Variants in MTUS1 observed in about 807,000 individuals in gnomAD.
The protein encoded by MTUS1 is microtubule associated scaffold protein 1.
Under a neutral mutation model 120.8 loss-of-function variants are expected in MTUS1, and 109 were observed. The ratio of observed to expected loss-of-function variants is 0.90; its 90% confidence interval spans 0.77 to 1.06. The LOEUF is 1.06. Ranked by LOEUF, MTUS1 falls within the 50% of genes least tolerant of loss-of-function variation. MTUS1 has a pLI of 0.00. For synonymous variants in MTUS1, 737 were observed against 550.5 expected (o/e 1.34, Z -4.74); for missense variants, 2,210 against 1,486.3 (o/e 1.49, Z -8.01).
intron 8 of MTUS1, among the ~76,000 whole-genome samples, chr8:17,671,642 G>A (rs887594245): frequency 2.0e-5 from 3 of 152,200 alleles, no homozygotes; most frequent in South Asian, 2.1e-4. Context: ...TGTTAGATGC[G>A]GAAGGTGGAA....
At chr8:17,744,496 G>T (rs118155059) in intron 2 of MTUS1, among the ~76,000 whole-genome samples, 33 of 152,006 alleles carry the variant, frequency 2.2e-4, no homozygotes, top group African/African-American at 7.2e-4. Context: ...TCCCAGCTCA[G>T]TGCAACCTCT....
At chr8:17,759,362 C>T (rs896683224) in intron 1 of MTUS1, among the ~76,000 whole-genome samples, 1 of 151,268 alleles carries the variant, frequency 6.6e-6, no homozygotes, top group Admixed American at 6.6e-5. Flanking sequence ...CTCCTAGGCT[C>T]AAGCGATCTT....
intron 1 of MTUS1, among the ~76,000 whole-genome samples, chr8:17,792,947 A>G (rs777710542): frequency 1.3e-5 from 2 of 152,246 alleles, no homozygotes; most frequent in Non-Finnish European, 1.5e-5. Flanking sequence ...AATAACCAGC[A>G]AGTCTAGAGA....
intron 1 of MTUS1, among the ~76,000 whole-genome samples, chr8:17,784,380 C>CCA (rs1745075865): frequency 1.3e-5 from 2 of 150,026 alleles, no homozygotes; most frequent in Admixed American, 6.7e-5. Flanking sequence ...ACTGCAACCT[C>CCA]CACCTCCCAC....
intron 6 of MTUS1, chr8:17,691,321 T>C (rs181804739): frequency 1.3e-5 from 2 of 152,384 alleles, no homozygotes; most frequent in African/African-American, 4.8e-5. Flanking sequence ...TGAGCAAAAC[T>C]TGCCATTCAA....
chr8:17,669,649 C>G lies in MTUS1; in HGVS notation c.2905+5537G>C, dbSNP rs1442300457. Reference sequence around the variant, plus strand: ...TCACCTGAGGTCAGGAGTTCGAGACCAGCCTGGCCAACATGGTGAAACCTC... The same window carrying G: ...TCACCTGAGGTCAGGAGTTCGAGACGAGCCTGGCCAACATGGTGAAACCTC... On this transcript the variant is annotated intron_variant, in intron 8 of 14. Transcript: ENST00000693296. Among the ~76,000 whole-genome samples the G allele has an allele frequency of 7.2e-5, 11 of 152,152 alleles. No homozygotes were observed. In the East Asian group the frequency reaches 2.1e-3, roughly 29 times the overall value.
chr8:17,668,223 T>C (rs561507954), intron 8 of MTUS1, among the ~76,000 whole-genome samples: 41 of 152,364 alleles, frequency 2.7e-4, no homozygotes, highest in African/African-American at 7.7e-4. Flanking sequence ...GTGTGAATTT[T>C]TTTCTTTTCG....
intron 1 of MTUS1, among the ~76,000 whole-genome samples, chr8:17,798,382 G>C (rs1255069280): frequency 6.6e-6 from 1 of 152,108 alleles, no homozygotes; most frequent in Non-Finnish European, 1.5e-5. Context: ...GCCCAGGCTG[G>C]AGTGCACTGG....
rs755269440 is a variant in MTUS1 at position 17,755,393 on chromosome 8, CA to C, written c.414del (p.Phe138LeufsTer9). 1 of 1,614,184 alleles carries C rather than the reference CA, an allele frequency of 6.2e-7. No homozygotes were observed. The highest frequency in any genetic ancestry group is 1.3e-5 in the African/African-American group (1 of 75,056). ...EGQSVEPSLPFVWKPNDNLNC... is the reference protein window; with the variant it reads ...EGQSVEPSLPXVWKPNDNLNC... ...TTCAAATTGTCATTAGGCTTCCACA[CA>C]AAAGGCAAAGATGGCTCAACACTCT... On this transcript the variant is annotated frameshift_variant, in exon 2 of 15. Transcript: ENST00000693296. LOFTEE classifies it high-confidence loss of function.
At chr8:17,731,633 C>T (rs2046588485) in intron 3 of MTUS1, among the ~76,000 whole-genome samples, 1 of 150,780 alleles carries the variant, frequency 6.6e-6, no homozygotes, top group Non-Finnish European at 1.5e-5. Context: ...ATGTATTTGA[C>T]AACATAAAAG....
chr8:17,660,719 T>C lies in MTUS1; in HGVS notation c.2906-4654A>G, dbSNP rs775845303. Among the ~76,000 whole-genome samples, 6 of 152,324 alleles carry C rather than the reference T, an allele frequency of 3.9e-5. 1 individual carries two copies. In the Middle Eastern group the frequency reaches 0.014, roughly 345 times the overall value. On this transcript the variant is annotated intron_variant, in intron 8 of 14. Coordinates refer to ENST00000693296, the MANE Select transcript of MTUS1 (RefSeq NM_001363059.2). Reference sequence around the variant, plus strand: ...AACCTATTTGATTTTTTCAAATATATGTAACAGCCATCCTAATGAGTACAT... The same window carrying C: ...AACCTATTTGATTTTTTCAAATATACGTAACAGCCATCCTAATGAGTACAT...
At chr8:17,744,530 C>T (rs2047584788) in intron 2 of MTUS1, among the ~76,000 whole-genome samples, 1 of 152,136 alleles carries the variant, frequency 6.6e-6, no homozygotes, top group South Asian at 2.1e-4. Context: ...AAGTGATTCT[C>T]CTGCCTCAGC....
intron 1 of MTUS1, among the ~76,000 whole-genome samples, chr8:17,764,204 T>TA (rs2049279331): frequency 6.6e-6 from 1 of 152,168 alleles, no homozygotes; most frequent in Non-Finnish European, 1.5e-5. Context: ...ACAAAGATGT[T>TA]ACAGGCCTGT....
At chr8:17,738,668 C>G (rs1417759681) in intron 3 of MTUS1, among the ~76,000 whole-genome samples, 1 of 152,106 alleles carries the variant, frequency 6.6e-6, no homozygotes, top group Admixed American at 6.6e-5. Context: ...AAACCATCAC[C>G]TAGGTATTAA....
intron 6 of MTUS1, among the ~76,000 whole-genome samples, chr8:17,703,627 T>C (rs1819552587): frequency 4.9e-5 from 4 of 82,318 alleles, no homozygotes; most frequent in Non-Finnish European, 7.2e-5. Context: ...AGACTCTGTC[T>C]CAAAAAAAAA....
intron 1 of MTUS1, among the ~76,000 whole-genome samples, chr8:17,769,144 T>C (rs1232985458): frequency 6.6e-6 from 1 of 151,266 alleles, no homozygotes; most frequent in Non-Finnish European, 1.5e-5. Flanking sequence ...GCGGGAAGTA[T>C]AAAGATTCCA....
At chr8:17,774,483 T>C (rs1563370148) in intron 1 of MTUS1, among the ~76,000 whole-genome samples, 3 of 152,194 alleles carry the variant, frequency 2.0e-5, no homozygotes, top group Non-Finnish European at 4.4e-5. Context: ...CACCAGGCAT[T>C]GGGGTGAATC....
chr8:17,774,254 A>C (rs530304483), intron 1 of MTUS1, among the ~76,000 whole-genome samples: 1 of 152,334 alleles, frequency 6.6e-6, no homozygotes, highest in East Asian at 1.9e-4. Context: ...TAGTTTGGGA[A>C]AACACTAGCC....
intron 1 of MTUS1, among the ~76,000 whole-genome samples, chr8:17,767,944 G>T (rs1303111032): frequency 6.6e-6 from 1 of 152,144 alleles, no homozygotes; most frequent in Non-Finnish European, 1.5e-5. Context: ...TAGGGCAGAT[G>T]GGAACTCCTG....
Sources: gnomAD v4.1 joint callset for allele counts (sites outside exome capture counted in the v4.1 genomes callset) on GRCh38, gnomAD v4.1.1 for gene constraint, MANE v1.5 for transcripts, NCBI Gene and HGNC (gene_info 2026-07-23, HGNC 2026-07-21) for gene names.